PCDHGA12: variants seen among roughly 807,000 people sequenced by gnomAD.
PCDHGA12 encodes protocadherin gamma subfamily A, 12.
A neutral mutation model predicts 61.1 loss-of-function variants in PCDHGA12; 43 were observed. The observed-to-expected ratio is 0.70, with a 90% CI of 0.55 to 0.91. The LOEUF is 0.91. Among genes scored for constraint, PCDHGA12 ranks in the 40% least tolerant of loss-of-function variants. The pLI, the probability that PCDHGA12 is intolerant of heterozygous loss-of-function variation, is 0.00. For synonymous variants in PCDHGA12, 520 were observed against 542.9 expected, an observed-to-expected ratio of 0.96 and a Z score of 0.59; for missense variants, 1,236 against 1,227.7, an observed-to-expected ratio of 1.01 and a Z score of -0.10.
chr5:141,470,550 A>G (rs899475300), intron 1 of PCDHGA12, among the ~76,000 whole-genome samples: 1 of 152,120 alleles, frequency 6.6e-6, no homozygotes, highest in Non-Finnish European at 1.5e-5. Flanking sequence ...ATTTATTGAG[A>G]GTTTCCTCTG....
intron 1 of PCDHGA12, chr5:141,479,186 T>C (rs956575218): frequency 3.3e-5 from 5 of 152,590 alleles, no homozygotes; most frequent in Admixed American, 3.3e-4. Flanking sequence ...GCTAGAAAAT[T>C]CAGAAAATAC....
intron 3 of PCDHGA12, among the ~76,000 whole-genome samples, chr5:141,508,937 G>T (rs764041162): frequency 3.0e-4 from 45 of 152,040 alleles, no homozygotes; most frequent in Non-Finnish European, 6.3e-4. Flanking sequence ...AGTTAATTAG[G>T]GAAAACAGAG....
Position 141,491,508 on chromosome 5 carries a change from G to A in PCDHGA12, c.2425-3299G>A. The A allele has an allele frequency of 6.2e-7, 1 of 1,614,030 alleles. No individual in the cohort carries two copies. The highest frequency in any genetic ancestry group is 8.5e-7 in the Non-Finnish European group (1 of 1,180,014). The stretch of plus-strand genomic sequence containing the variant: ...ACCTGCAGGTGAGCTCGGACGGCAC[G>A]CTCAAGTACATGGAGGTGACGCTGC... On this transcript the variant is annotated intron_variant, in intron 1 of 3. Transcript: ENST00000252085. This position sits in a 1 kb window ranked among gnomAD's most constrained non-coding sequence, Gnocchi z 6.9.
rs117345436 is a variant in PCDHGA12 at position 141,492,015 on chromosome 5, G to T, written c.2425-2792G>T. 1,356 of 600,608 alleles carry T rather than the reference G, an allele frequency of 2.3e-3. 40 individuals carry two copies. The East Asian group carries it at 0.038, about 17-fold the overall frequency. The allele number at this position is 600,608 out of a possible 1,614,324, so 37.2% of individuals were successfully genotyped here. A position where few individuals can be genotyped will look rare whatever the true frequency, so the allele number is the denominator to read the frequency against. ...ATTTCGGGCGATTTCCGCGGGTGTC[G>T]GGGGTCCCGGGAGGAGGCAGTCACA... On this transcript the variant is annotated intron_variant, in intron 1 of 3. Transcript: ENST00000252085.
At chr5:141,508,123 G>A (rs989767852) in intron 3 of PCDHGA12, 1 of 152,616 alleles carries the variant, frequency 6.6e-6, no homozygotes, top group Non-Finnish European at 1.5e-5. Context: ...GAGGACAGAG[G>A]GAGGTCAGGG....
At position 141,477,100 on chromosome 5, in the gene PCDHGA12, C is replaced by A. The variant is rs970613825; in HGVS notation, c.2425-17707C>A. On this transcript the variant is annotated intron_variant, in intron 1 of 3. Transcript: ENST00000252085. This position sits in a 1 kb window ranked among gnomAD's most constrained non-coding sequence, Gnocchi z 4.9. ...TTTACATCCAGGCCAAAGACAAGGGCGCCAATCCCGAAGGAGCACATTGCA... is the reference window on the plus strand; with the variant it reads ...TTTACATCCAGGCCAAAGACAAGGGAGCCAATCCCGAAGGAGCACATTGCA... 1 of 1,614,216 alleles carries A rather than the reference C, an allele frequency of 6.2e-7. No homozygotes were observed. Among genetic ancestry groups the A allele is most frequent in the Non-Finnish European group, 8.5e-7 (1 of 1,180,040 alleles).
rs376773009 is a variant in PCDHGA12, at chr5:141,511,838, C to T, written c.*665C>T. 64 of 156,854 alleles carry T rather than the reference C, an allele frequency of 4.1e-4. No homozygotes were observed. Among genetic ancestry groups the T allele is most frequent in the Non-Finnish European group, 6.8e-4 (48 of 70,726 alleles). The allele number at this position is 156,854 out of a possible 1,614,324, so 9.7% of individuals were successfully genotyped here. A position where few individuals can be genotyped will look rare whatever the true frequency, so the allele number is the denominator to read the frequency against. ...TCTTCCCAACGCCCTGGGGACCAGTCTTCTGTTTTGTTTTTCATTGTTTGA... is the reference window on the plus strand; with the variant it reads ...TCTTCCCAACGCCCTGGGGACCAGTTTTCTGTTTTGTTTTTCATTGTTTGA... On this transcript the variant is annotated 3_prime_UTR_variant, in exon 4 of 4. Transcript: ENST00000252085.
Position 141,491,013 on chromosome 5 carries a change from G to C in PCDHGA12, c.2425-3794G>C. ...CTCCTCCTGGCTCCTTGGTCACCAA[G>C]GTGACAGCCGTGGATGCTGATGCAG... On this transcript the variant is annotated intron_variant, in intron 1 of 3. Transcript: ENST00000252085. The surrounding 1 kb of genome is among the most constrained non-coding windows in gnomAD (Gnocchi z 6.9). 6.2e-7 allele frequency: 1 copy of C among 1,614,144 alleles called. No homozygotes were observed. Among genetic ancestry groups the C allele is most frequent in the Non-Finnish European group, 8.5e-7 (1 of 1,180,040 alleles).
rs1434083091 is a variant in PCDHGA12 at position 141,450,833 on chromosome 5, T to TA, written c.2424+17650_2424+17651insA. 6.4e-3 allele frequency among the ~76,000 whole-genome samples: 943 copies of TA among 147,260 alleles called. 6 individuals carry two copies. The highest frequency in any genetic ancestry group is 0.014 in the Middle Eastern group (4 of 276). ...TTATTTAATATTATTATTATTATTT[T>TA]TTTTTTTTTGAGATGGGGTCTTGCT... is the stretch of plus-strand genomic sequence containing the variant. On this transcript the variant is annotated intron_variant, in intron 1 of 3. Coordinates refer to ENST00000252085, the MANE Select transcript of PCDHGA12 (RefSeq NM_003735.3).
At chr5:141,501,540 A>G (rs151047391) in intron 2 of PCDHGA12, among the ~76,000 whole-genome samples, 2 of 152,138 alleles carry the variant, frequency 1.3e-5, no homozygotes, top group East Asian at 3.9e-4. Flanking sequence ...GTTGTTGTGC[A>G]TAAGATCATA....
Position 141,476,102 on chromosome 5 carries a change from C to G in PCDHGA12, c.2425-18705C>G, listed in dbSNP as rs1488747783. The G allele has an allele frequency of 1.3e-6, 2 of 1,576,940 alleles. No homozygotes were observed. Among genetic ancestry groups the G allele is most frequent in the African/African-American group, 2.7e-5 (2 of 73,926 alleles). ...ACGATCTGGACCCCGCTGAGAGGAA[C>G]TGCTTTTGAGTGAGATGGTCCCAGA... On this transcript the variant is annotated intron_variant, in intron 1 of 3. Transcript: ENST00000252085. The surrounding 1 kb of genome is among the most constrained non-coding windows in gnomAD (Gnocchi z 7.6).
At position 141,476,290 on chromosome 5, in the gene PCDHGA12, C is replaced by T. The variant is rs768208156; in HGVS notation, c.2425-18517C>T. ...TGGTCGCGAACCTTGGTTTGGATCT[C>T]GGTAGCCTCTCAGCCCGCAGGTTCC... On this transcript the variant is annotated intron_variant, in intron 1 of 3. Coordinates refer to ENST00000252085, the MANE Select transcript of PCDHGA12 (RefSeq NM_003735.3). The surrounding 1 kb of genome is among the most constrained non-coding windows in gnomAD (Gnocchi z 7.6). 1.7e-5 allele frequency: 27 copies of T among 1,613,932 alleles called. No individual in the cohort carries two copies. Among genetic ancestry groups the T allele is most frequent in the Non-Finnish European group, 2.3e-5 (27 of 1,180,018 alleles).
At position 141,503,992 on chromosome 5, in the gene PCDHGA12, A is replaced by G. The variant is rs1419698681; in HGVS notation, c.2484-1401A>G. 2.6e-5 allele frequency among the ~76,000 whole-genome samples: 4 copies of G among 152,116 alleles called. No homozygotes were observed. In the East Asian group the frequency reaches 7.7e-4, roughly 29 times the overall value. ...GGTGCCAAACCCTTCTTCTTACCTTACAGTCACTTAACTGTCTCTGCTGGT... is the reference window on the plus strand; with the variant it reads ...GGTGCCAAACCCTTCTTCTTACCTTGCAGTCACTTAACTGTCTCTGCTGGT... On this transcript the variant is annotated intron_variant, in intron 2 of 3. Transcript: ENST00000252085.
At chr5:141,455,920 C>T (rs941360102) in intron 1 of PCDHGA12, among the ~76,000 whole-genome samples, 1 of 147,944 alleles carries the variant, frequency 6.8e-6, no homozygotes, top group Non-Finnish European at 1.5e-5. Context: ...TATTTTGAGA[C>T]GGAGTCTCGC....
chr5:141,482,363 G>C (rs2099556985), intron 1 of PCDHGA12, among the ~76,000 whole-genome samples: 1 of 152,086 alleles, frequency 6.6e-6, no homozygotes, highest in African/African-American at 2.4e-5. Flanking sequence ...AGAGTGAAAA[G>C]TAATGCATAT....
intron 2 of PCDHGA12, among the ~76,000 whole-genome samples, chr5:141,504,869 C>T (rs919109041): frequency 6.6e-6 from 1 of 152,134 alleles, no homozygotes; most frequent in Admixed American, 6.5e-5. Flanking sequence ...CCCACCTTCA[C>T]AGTCCTCTGG....
At chr5:141,462,833 A>G (rs1488609568) in intron 1 of PCDHGA12, among the ~76,000 whole-genome samples, 1 of 152,082 alleles carries the variant, frequency 6.6e-6, no homozygotes, top group Non-Finnish European at 1.5e-5. Flanking sequence ...GACATTGTAA[A>G]TGTTATATTT....
chr5:141,476,726 C>T lies in PCDHGA12; in HGVS notation c.2425-18081C>T. On this transcript the variant is annotated intron_variant, in intron 1 of 3. Coordinates refer to ENST00000252085, the MANE Select transcript of PCDHGA12 (RefSeq NM_003735.3). This position sits in a 1 kb window ranked among gnomAD's most constrained non-coding sequence, Gnocchi z 7.6. ...GCTGGTGTTGGAGCGCGCCCTGGAC[C>T]GAGAACGGGAGCCTAGTCTCCAGTT... The T allele has an allele frequency of 6.2e-7, 1 of 1,614,116 alleles. No homozygotes were observed. The highest frequency in any genetic ancestry group is 8.5e-7 in the Non-Finnish European group (1 of 1,180,028).
At chr5:141,452,106 CTCT>C (rs748460925) in intron 1 of PCDHGA12, among the ~76,000 whole-genome samples, 12 of 152,096 alleles carry the variant, frequency 7.9e-5, no homozygotes, top group South Asian at 4.1e-4. Flanking sequence ...GCTTTCTTTT[CTCT>C]TCTTATTTAT....
Sources: gnomAD v4.1 joint callset for allele counts (sites outside exome capture counted in the v4.1 genomes callset) on GRCh38, gnomAD v4.1.1 for gene constraint, Gnocchi (gnomAD v3.1) non-coding constraint, MANE v1.5 for transcripts, NCBI Gene and HGNC (gene_info 2026-07-23, HGNC 2026-07-21) for gene names.